SF3B1: variants seen among roughly 807,000 people sequenced by gnomAD.
The protein encoded by SF3B1 is splicing factor 3b subunit 1.
Under a neutral mutation model 153.8 loss-of-function variants are expected in SF3B1, and 12 were observed. The ratio of observed to expected loss-of-function variants is 0.08; its 90% CI spans 0.05 to 0.13. The LOEUF is 0.13. Among genes scored for constraint, SF3B1 ranks in the 10% least tolerant of loss-of-function variants. SF3B1 has a pLI of 1.00. For synonymous variants in SF3B1, 498 were observed against 525.2 expected (o/e 0.95, Z 0.71); for missense variants, 513 against 1,606.1 (o/e 0.32, Z 11.63).
At position 197,403,581 on chromosome 2, in the gene SF3B1, A is replaced by C. The variant is rs1353469712; in HGVS notation, c.1719+4T>G. The C allele has an allele frequency of 3.9e-6, 6 of 1,538,846 alleles. No homozygotes were observed. Among genetic ancestry groups the C allele is most frequent in the Non-Finnish European group, 5.2e-6 (6 of 1,150,326 alleles). On this transcript the variant is annotated splice_donor_region_variant and intron_variant, in intron 12 of 24. Coordinates refer to ENST00000335508, the MANE Select transcript of SF3B1 (RefSeq NM_012433.4). Reference sequence around the variant, plus strand: ...TATCAGAAACACTATTAAGGAGAACAAACCTTATGCACATATGGACGAACT... The same window carrying C: ...TATCAGAAACACTATTAAGGAGAACCAACCTTATGCACATATGGACGAACT...
chr2:197,422,683 G>T (rs1317329990), intron 2 of SF3B1, among the ~76,000 whole-genome samples: 2 of 152,088 alleles, frequency 1.3e-5, no homozygotes, highest in Non-Finnish European at 2.9e-5. Context: ...GAGCTCAGGA[G>T]ATCGAGACCA....
Position 197,408,587 on chromosome 2 carries a change from AAAAG to A in SF3B1, c.905-10_905-7del. 3 of 1,601,852 alleles carry A rather than the reference AAAAG, an allele frequency of 1.9e-6. No homozygotes were observed. Among genetic ancestry groups the A allele is most frequent in the Non-Finnish European group, 2.6e-6 (3 of 1,170,598 alleles). The stretch of plus-strand genomic sequence containing the variant: ...ACTTCCATGCCCAGGAGTATCTTTA[AAAAG>A]AAAGAGTGAGTAAAACCACAATTTT... On this transcript the variant is annotated splice_polypyrimidine_tract_variant and splice_region_variant and intron_variant, in intron 7 of 24. Coordinates refer to ENST00000335508, the MANE Select transcript of SF3B1 (RefSeq NM_012433.4).
chr2:197,421,150 C>A lies in SF3B1; in HGVS notation c.196-17G>T, dbSNP rs754345524. On this transcript the variant is annotated splice_polypyrimidine_tract_variant and intron_variant, in intron 2 of 24. Transcript: ENST00000335508. The stretch of plus-strand genomic sequence containing the variant: ...ATCGTCATCCTGCAATGAAAACCCC[C>A]CAAAAAGCCATAAACAAAATGTTAG... 6.6e-7 allele frequency: 1 copy of A among 1,510,646 alleles called. No homozygotes were observed. The highest frequency in any genetic ancestry group is 9.2e-7 in the Non-Finnish European group (1 of 1,092,388). 93.6% of individuals were successfully genotyped at this position (1,510,646 alleles called of 1,614,324 possible).
chr2:197,413,015 A>T (rs1341186947), intron 6 of SF3B1, among the ~76,000 whole-genome samples: 1 of 149,184 alleles, frequency 6.7e-6, no homozygotes, highest in African/African-American at 2.5e-5. Context: ...TCTTGTGTCT[A>T]GTTATGTGCA....
chr2:197,399,902 T>A (rs2084920535), intron 20 of SF3B1, among the ~76,000 whole-genome samples, 153 bp downstream of exon 20: 1 of 151,926 alleles, frequency 6.6e-6, no homozygotes, highest in Non-Finnish European at 1.5e-5. Flanking sequence ...AACAAGACTT[T>A]TGTGACATCC....
At position 197,392,069 on chromosome 2, in the gene SF3B1, GAA is replaced by G; in HGVS notation, c.*232_*233del. On this transcript the variant is annotated 3_prime_UTR_variant, in exon 25 of 25. Coordinates refer to ENST00000335508, the MANE Select transcript of SF3B1 (RefSeq NM_012433.4). ...ATCTTCATAAAGATGAATTAAAAATGAAATCCCTCCAGTATAGTGTATATAAT... is the reference window on the plus strand; with the variant it reads ...ATCTTCATAAAGATGAATTAAAAATGATCCCTCCAGTATAGTGTATATAAT... The G allele has an allele frequency of 3.2e-6, 1 of 310,650 alleles. No homozygotes were observed. The highest frequency in any genetic ancestry group is 5.9e-6 in the Non-Finnish European group (1 of 170,030). 19.2% of individuals were successfully genotyped at this position (310,650 alleles called of 1,614,324 possible).
Position 197,400,646 on chromosome 2 carries a change from C to T in SF3B1, c.2718+69G>A, listed in dbSNP as rs1019369265. ...TTCAATTGCATTCTAGAAAAATTTG[C>T]TTGACAACTAATATGCTTTTCTACA... On this transcript the variant is annotated intron_variant, in intron 18 of 24. Coordinates refer to ENST00000335508, the MANE Select transcript of SF3B1 (RefSeq NM_012433.4). This position sits in a 1 kb window ranked among gnomAD's most constrained non-coding sequence, Gnocchi z 5.0. 7.1e-6 allele frequency: 9 copies of T among 1,273,200 alleles called. No homozygotes were observed. Among genetic ancestry groups the T allele is most frequent in the Non-Finnish European group, 8.8e-6 (8 of 910,636 alleles). 78.9% of individuals were successfully genotyped at this position (1,273,200 alleles called of 1,614,324 possible).
Position 197,421,145 on chromosome 2 carries a change from A to AC in SF3B1, c.196-13dup, listed in dbSNP as rs1559275974. 3 of 1,558,916 alleles carry AC rather than the reference A, an allele frequency of 1.9e-6. No individual in the cohort carries two copies. Among genetic ancestry groups the AC allele is most frequent in the Non-Finnish European group, 2.6e-6 (3 of 1,135,144 alleles). ...TAGTCATCGTCATCCTGCAATGAAA[A>AC]CCCCCCAAAAAGCCATAAACAAAAT... On this transcript the variant is annotated splice_polypyrimidine_tract_variant and intron_variant, in intron 2 of 24. Transcript: ENST00000335508.
chr2:197,419,264 G>GTT (rs1158091527), intron 4 of SF3B1: 4 of 339,278 alleles, frequency 1.2e-5, no homozygotes, highest in Non-Finnish European at 2.2e-5. Flanking sequence ...ACTTCTACCA[G>GTT]TTATTATGAT....
Position 197,401,707 on chromosome 2 carries a change from T to C in SF3B1, c.2370+35A>G, listed in dbSNP as rs2105984028. ...AAAATTCTGTTAGAACCATGAAACA[T>C]ATCCAGTTTACATTAACAAATCTGG... is the stretch of plus-strand genomic sequence containing the variant. On this transcript the variant is annotated intron_variant, in intron 16 of 24. Coordinates refer to ENST00000335508, the MANE Select transcript of SF3B1 (RefSeq NM_012433.4). The surrounding 1 kb of genome is among the most constrained non-coding windows in gnomAD (Gnocchi z 4.2). 5 of 1,584,742 alleles carry C rather than the reference T, an allele frequency of 3.2e-6. No homozygotes were observed. The highest frequency in any genetic ancestry group is 4.3e-6 in the Non-Finnish European group (5 of 1,163,446).
Position 197,400,473 on chromosome 2 carries a change from T to C in SF3B1, c.2719-39A>G, listed in dbSNP as rs553757566. ...TTAAAAAAAAGACATATTCATTTGG[T>C]TTATGACTGCACAGTTGAAATACAC... On this transcript the variant is annotated intron_variant, in intron 18 of 24. Coordinates refer to ENST00000335508, the MANE Select transcript of SF3B1 (RefSeq NM_012433.4). This position sits in a 1 kb window ranked among gnomAD's most constrained non-coding sequence, Gnocchi z 5.0. The C allele has an allele frequency of 1.3e-6, 2 of 1,526,486 alleles. No individual in the cohort carries two copies. Among genetic ancestry groups the C allele is most frequent in the Admixed American group, 3.9e-5 (2 of 51,644 alleles). 94.6% of individuals were successfully genotyped at this position (1,526,486 alleles called of 1,614,324 possible).
chr2:197,420,546 A>G lies in SF3B1; in HGVS notation c.301-4T>C. 1 of 1,571,784 alleles carries G rather than the reference A, an allele frequency of 6.4e-7. No homozygotes were observed. The highest frequency in any genetic ancestry group is 8.7e-7 in the Non-Finnish European group (1 of 1,150,902). ...TGTGCTCAGCAAATGGATCATACTG[A>G]AAAGAGGTATGTCTCACTTAATATC... On this transcript the variant is annotated splice_region_variant and splice_polypyrimidine_tract_variant and intron_variant, in intron 3 of 24. Transcript: ENST00000335508.
rs1421127542 is a variant in SF3B1, at chr2:197,418,620, T to A, written c.416-32A>T. 9.4e-6 allele frequency: 15 copies of A among 1,593,382 alleles called. No homozygotes were observed. In the East Asian group the frequency reaches 3.1e-4, roughly 33 times the overall value. Reference sequence around the variant, plus strand: ...AAAAGAACAGCAACAGGAAAAAGAGTACAATAAATAAAAAATAAGCAGGTT... The same window carrying A: ...AAAAGAACAGCAACAGGAAAAAGAGAACAATAAATAAAAAATAAGCAGGTT... On this transcript the variant is annotated intron_variant, in intron 4 of 24. Coordinates refer to ENST00000335508, the MANE Select transcript of SF3B1 (RefSeq NM_012433.4).
At chr2:197,416,583 C>T in intron 6 of SF3B1, 158 bp downstream of exon 6, 1 of 599,848 alleles carries the variant, frequency 1.7e-6, no homozygotes, top group Non-Finnish European at 2.8e-6. Context: ...GCACTCTGAT[C>T]TTGGATTTCA....
Position 197,400,703 on chromosome 2 carries a change from AG to A in SF3B1, c.2718+11del, listed in dbSNP as rs2084929856. 6.5e-7 allele frequency: 1 copy of A among 1,548,532 alleles called. No homozygotes were observed. The highest frequency in any genetic ancestry group is 8.9e-7 in the Non-Finnish European group (1 of 1,123,884). ...AAAGTTAGTAGCAATGTGCCATAAT[AG>A]TTTTCATTACCTCTGTAGTCTGTTC... On this transcript the variant is annotated intron_variant, in intron 18 of 24. Coordinates refer to ENST00000335508, the MANE Select transcript of SF3B1 (RefSeq NM_012433.4). This position sits in a 1 kb window ranked among gnomAD's most constrained non-coding sequence, Gnocchi z 5.0.
chr2:197,416,426 A>C (rs1032194910), intron 6 of SF3B1, among the ~76,000 whole-genome samples: 1 of 152,124 alleles, frequency 6.6e-6, no homozygotes, highest in Non-Finnish European at 1.5e-5. Context: ...AGGTAAATTA[A>C]GGTCAAATGG....
intron 11 of SF3B1, among the ~76,000 whole-genome samples, chr2:197,404,440 C>T (rs188729800): frequency 2.2e-4 from 34 of 152,056 alleles, no homozygotes; most frequent in Middle Eastern, 3.4e-3. Context: ...ATTAGCAGGG[C>T]GTGGTGGTGC....
chr2:197,392,928 T>TAA (rs11380582), intron 24 of SF3B1, 44 bp downstream of exon 24: 19,196 of 916,862 alleles, frequency 0.021, 178 homozygotes, highest in African/African-American at 0.093. Context: ...AAGTATTATT[T>TAA]AAAAAAAAAA....
rs113443979 is a variant in SF3B1 at position 197,428,018 on chromosome 2, A to AAATT, written c.29-4048_29-4045dup. On this transcript the variant is annotated intron_variant, in intron 1 of 24. Transcript: ENST00000335508. Reference sequence around the variant, plus strand: ...AGGCGACAGAGCAAGACTCCGTCTCAAATTAATTAATTAATTAATTAATTA... The same window carrying AAATT: ...AGGCGACAGAGCAAGACTCCGTCTCAAATTAATTAATTAATTAATTAATTAATTA... Among the ~76,000 whole-genome samples, 1,399 of 151,474 alleles carry AAATT rather than the reference A, an allele frequency of 9.2e-3. 24 individuals are homozygous for AAATT. Among genetic ancestry groups the AAATT allele is most frequent in the African/African-American group, 0.028 (1,169 of 41,070 alleles).
Sources: gnomAD v4.1 joint callset for allele counts (sites outside exome capture counted in the v4.1 genomes callset) on GRCh38, gnomAD v4.1.1 for gene constraint, Gnocchi (gnomAD v3.1) non-coding constraint, MANE v1.5 for transcripts, NCBI Gene and HGNC (gene_info 2026-07-23, HGNC 2026-07-21) for gene names.